Variants in PLCE1 observed in about 807,000 individuals in gnomAD.
PLCE1 encodes the protein phospholipase C epsilon 1.
Under a neutral mutation model 242.8 loss-of-function variants are expected in PLCE1, and 119 were observed. The observed-to-expected ratio is 0.49, with a 90% CI of 0.42 to 0.57. PLCE1 has a LOEUF of 0.57. Among genes scored for constraint, PLCE1 ranks in the 20% least tolerant of loss-of-function variants. The pLI, the probability that PLCE1 is intolerant of heterozygous loss-of-function variation, is 0.00. For synonymous variants in PLCE1, 945 were observed against 1,017.4 expected, an observed-to-expected ratio of 0.93 and a Z score of 1.35; for missense variants, 2,441 against 2,788.8, an observed-to-expected ratio of 0.88 and a Z score of 2.81.
chr10:94,203,875 T>G (rs1398710344), intron 4 of PLCE1, among the ~76,000 whole-genome samples: 1 of 150,708 alleles, frequency 6.6e-6, no homozygotes, highest in East Asian at 2.0e-4. Context: ...GTCTCTAATT[T>G]GAAACAGCAT....
At chr10:94,199,793 TGACA>T (rs58090222) in intron 4 of PLCE1, among the ~76,000 whole-genome samples, 21,400 of 152,034 alleles carry the variant, frequency 0.14, 1,677 homozygotes, top group South Asian at 0.29. Context: ...GGAGTCAGCA[TGACA>T]GACAATGTGA....
chr10:94,145,553 A>G (rs2047087342), intron 3 of PLCE1, among the ~76,000 whole-genome samples: 1 of 152,186 alleles, frequency 6.6e-6, no homozygotes, highest in South Asian at 2.1e-4. Context: ...ATCTTGCATT[A>G]AAATGTTCTG....
chr10:94,124,715 C>T (rs767834550), intron 2 of PLCE1, among the ~76,000 whole-genome samples: 3 of 152,114 alleles, frequency 2.0e-5, no homozygotes, highest in African/African-American at 4.8e-5. Flanking sequence ...TACATTAATC[C>T]GTATCTTGGT....
chr10:94,103,298 G>A lies in PLCE1; in HGVS notation c.1207-28876G>A, dbSNP rs147265255. ...AAGATAAATGGCAAAGCTAGGGCTT[G>A]AACCTTGGGCCTGACTCCAGTGTTT... On this transcript the variant is annotated intron_variant, in intron 2 of 32. Transcript: ENST00000371380. 2.8e-3 allele frequency among the ~76,000 whole-genome samples: 432 copies of A among 152,318 alleles called. 1 individual carries two copies. Among genetic ancestry groups the A allele is most frequent in the Middle Eastern group, 0.027 (8 of 294 alleles).
intron 21 of PLCE1, among the ~76,000 whole-genome samples, chr10:94,284,365 G>C (rs2052360217): frequency 6.6e-6 from 1 of 152,164 alleles, no homozygotes; most frequent in East Asian, 1.9e-4. Context: ...AGTTTTAAAG[G>C]CATTTGGGAT....
At position 94,326,635 on chromosome 10, in the gene PLCE1, T is replaced by C. The variant is rs550209907; in HGVS notation, c.*25-1333T>C. 2.0e-5 allele frequency among the ~76,000 whole-genome samples: 3 copies of C among 152,304 alleles called. No homozygotes were observed. In the East Asian group the frequency reaches 5.8e-4, roughly 29 times the overall value. On this transcript the variant is annotated intron_variant, in intron 32 of 32. Transcript: ENST00000371380. ...AGAAGAATACAACTCCATTAGAAAT[T>C]TGACTTAAAAATAATATGCCTACTA...
chr10:94,123,211 A>C (rs1189888132), intron 2 of PLCE1, among the ~76,000 whole-genome samples: 1 of 152,176 alleles, frequency 6.6e-6, no homozygotes, highest in Non-Finnish European at 1.5e-5. Flanking sequence ...AAATTTTAAT[A>C]AAAGGGATGT....
chr10:94,200,788 T>C (rs1200172301), intron 4 of PLCE1, among the ~76,000 whole-genome samples: 1 of 152,216 alleles, frequency 6.6e-6, no homozygotes, highest in Non-Finnish European at 1.5e-5. Flanking sequence ...GTGTGTGCCC[T>C]GGATATAATG....
At chr10:94,045,981 A>G (rs953591374) in intron 2 of PLCE1, among the ~76,000 whole-genome samples, 6 of 150,832 alleles carry the variant, frequency 4.0e-5, no homozygotes, top group Non-Finnish European at 8.8e-5. Flanking sequence ...AAAAAAAAGT[A>G]ATAATAACCT....
At chr10:94,237,302 G>C (rs1042841503) in intron 7 of PLCE1, among the ~76,000 whole-genome samples, 1 of 152,168 alleles carries the variant, frequency 6.6e-6, no homozygotes, top group African/African-American at 2.4e-5. Context: ...CTGGGGCTGT[G>C]TGTGTATGTC....
Position 94,271,968 on chromosome 10 carries a change from C to A in PLCE1, c.4506+1366C>A, listed in dbSNP as rs559618928. On this transcript the variant is annotated intron_variant, in intron 18 of 32. Transcript: ENST00000371380. ...GGAGTAGGTCACATGCTTCAAGGGACAAAAGGCAGAGCAAGGATCACATGC... is the reference window on the plus strand; with the variant it reads ...GGAGTAGGTCACATGCTTCAAGGGAAAAAAGGCAGAGCAAGGATCACATGC... Among the ~76,000 whole-genome samples, 5 of 152,248 alleles carry A rather than the reference C, an allele frequency of 3.3e-5. No individual in the cohort carries two copies. In the East Asian group the frequency reaches 9.7e-4, roughly 29 times the overall value.
chr10:94,254,175 G>A lies in PLCE1; in HGVS notation c.3280-15G>A. On this transcript the variant is annotated splice_polypyrimidine_tract_variant and intron_variant, in intron 9 of 32. Transcript: ENST00000371380. ...AAATACAGGCTTGGAACCATCGTGAGCTTTGTGTTCCCAGGGTGAGAGTGG... is the reference window on the plus strand; with the variant it reads ...AAATACAGGCTTGGAACCATCGTGAACTTTGTGTTCCCAGGGTGAGAGTGG... The A allele has an allele frequency of 6.4e-7, 1 of 1,573,130 alleles. No individual in the cohort carries two copies. Among genetic ancestry groups the A allele is most frequent in the Non-Finnish European group, 8.8e-7 (1 of 1,142,602 alleles).
intron 28 of PLCE1, 99 bp downstream of exon 28, chr10:94,313,481 A>G: frequency 7.3e-7 from 1 of 1,363,868 alleles, no homozygotes; most frequent in Non-Finnish European, 1.0e-6. Context: ...ACAGATGCAC[A>G]TGAATGCGCA....
At chr10:94,322,160 A>AAC (rs2053833169) in intron 30 of PLCE1, 101 bp downstream of exon 30, 2 of 1,106,920 alleles carry the variant, frequency 1.8e-6, no homozygotes, top group South Asian at 2.6e-5. Flanking sequence ...GAAGTTCCTC[A>AAC]ACAACAGGGA....
At chr10:94,097,769 G>A (rs1293242696) in intron 2 of PLCE1, among the ~76,000 whole-genome samples, 3 of 152,176 alleles carry the variant, frequency 2.0e-5, no homozygotes, top group Non-Finnish European at 4.4e-5. Flanking sequence ...AACCCAGCAG[G>A]AGCCTGCTGC....
intron 24 of PLCE1, among the ~76,000 whole-genome samples, chr10:94,303,247 T>C (rs943005933): frequency 6.6e-6 from 1 of 152,218 alleles, no homozygotes; most frequent in Non-Finnish European, 1.5e-5. Context: ...TGTACAGAGT[T>C]CGTTCTTACA....
intron 2 of PLCE1, among the ~76,000 whole-genome samples, chr10:94,070,633 C>G (rs771918069): frequency 6.6e-6 from 1 of 152,182 alleles, no homozygotes; most frequent in Admixed American, 6.5e-5. Flanking sequence ...CATGGAGATA[C>G]GCTTTTTGAG....
At position 94,329,776 on chromosome 10, in the gene PLCE1, C is replaced by CAAAGAA. The variant is rs2054134978; in HGVS notation, c.*1836_*1837insGAAAAA. On this transcript the variant is annotated 3_prime_UTR_variant, in exon 33 of 33. Coordinates refer to ENST00000371380, the MANE Select transcript of PLCE1 (RefSeq NM_016341.4). The stretch of plus-strand genomic sequence containing the variant: ...CTGGTGACAGAGCGAGACTCCGTCT[C>CAAAGAA]AAAAAAAAAAAAAAAAAAAAAAAAA... 2.6e-5 allele frequency: 1 copy of CAAAGAA among 37,942 alleles called. No individual in the cohort carries two copies. Among genetic ancestry groups the CAAAGAA allele is most frequent in the Non-Finnish European group, 4.6e-5 (1 of 21,876 alleles). 2.4% of individuals were successfully genotyped at this position (37,942 alleles called of 1,614,324 possible). A position where few individuals can be genotyped will look rare whatever the true frequency, so the allele number is the denominator to read the frequency against.
intron 5 of PLCE1, among the ~76,000 whole-genome samples, chr10:94,229,039 G>A (rs1235640815): frequency 6.6e-6 from 1 of 151,920 alleles, no homozygotes; most frequent in Non-Finnish European, 1.5e-5. Flanking sequence ...AAAATTAGCT[G>A]GGCATGGTGG....
Sources: allele counts gnomAD v4.1 joint callset (sites outside exome capture counted in the v4.1 genomes callset), GRCh38; gene constraint gnomAD v4.1.1; transcripts MANE v1.5; gene names NCBI Gene and HGNC (gene_info 2026-07-23, HGNC 2026-07-21).